KCTD8: variants seen among roughly 807,000 people sequenced by gnomAD.
The protein encoded by KCTD8 is BTB/POZ domain-containing protein KCTD8.
A neutral mutation model predicts 31.5 loss-of-function variants in KCTD8; 27 were observed. The observed-to-expected ratio is 0.86, with a 90% CI of 0.63 to 1.18. The LOEUF (loss-of-function observed/expected upper bound fraction) is 1.18. Ranked by LOEUF, KCTD8 falls within the 50% of genes most tolerant of loss-of-function variation. KCTD8 has a pLI of 0.00. For synonymous variants in KCTD8, 290 were observed against 280.0 expected, an observed-to-expected ratio of 1.04 and a Z score of -0.36; for missense variants, 658 against 647.7, an observed-to-expected ratio of 1.02 and a Z score of -0.17.
intron 1 of KCTD8, among the ~76,000 whole-genome samples, chr4:44,333,585 C>T (rs1470458623): frequency 1.3e-5 from 2 of 152,070 alleles, no homozygotes; most frequent in South Asian, 2.1e-4. Flanking sequence ...GTCTTGATTG[C>T]TACCAGTCAT....
At chr4:44,275,187 A>G (rs553387473) in intron 1 of KCTD8, among the ~76,000 whole-genome samples, 1 of 151,990 alleles carries the variant, frequency 6.6e-6, no homozygotes, top group Non-Finnish European at 1.5e-5. Flanking sequence ...ATGTAAGTGC[A>G]CATGTGACTA....
intron 1 of KCTD8, among the ~76,000 whole-genome samples, chr4:44,285,241 G>T (rs1577593557): frequency 6.6e-6 from 1 of 152,162 alleles, no homozygotes; most frequent in Non-Finnish European, 1.5e-5. Context: ...ATCAATGGTA[G>T]ACTGGACTAA....
chr4:44,179,177 T>C (rs956439259), intron 1 of KCTD8, among the ~76,000 whole-genome samples: 17 of 152,252 alleles, frequency 1.1e-4, no homozygotes, highest in African/African-American at 3.9e-4. Context: ...CTTTTTACTT[T>C]CAAATTTTCT....
chr4:44,419,917 C>T (rs563220507), intron 1 of KCTD8, among the ~76,000 whole-genome samples: 88 of 151,496 alleles, frequency 5.8e-4, no homozygotes, highest in African/African-American at 2.1e-3. Flanking sequence ...CTTTCTGAAC[C>T]GGACTCCATA....
At chr4:44,225,272 C>T (rs1269242279) in intron 1 of KCTD8, among the ~76,000 whole-genome samples, 7 of 152,238 alleles carry the variant, frequency 4.6e-5, no homozygotes, top group Non-Finnish European at 1.0e-4. Context: ...GGCTTCTAAA[C>T]ATGTGTCACT....
intron 1 of KCTD8, among the ~76,000 whole-genome samples, chr4:44,411,388 A>C (rs1196568216): frequency 1.3e-5 from 2 of 151,774 alleles, no homozygotes; most frequent in East Asian, 1.9e-4. Context: ...AAAAAAAAAA[A>C]AAAAAAAAAA....
At chr4:44,310,806 T>G (rs1223420878) in intron 1 of KCTD8, among the ~76,000 whole-genome samples, 1 of 152,154 alleles carries the variant, frequency 6.6e-6, no homozygotes, top group Admixed American at 6.5e-5. Flanking sequence ...GTCTATGGTA[T>G]AAGAAATCTG....
chr4:44,207,220 T>C (rs998439204), intron 1 of KCTD8, among the ~76,000 whole-genome samples: 3 of 152,218 alleles, frequency 2.0e-5, no homozygotes, highest in African/African-American at 7.2e-5. Context: ...TCAATAAATA[T>C]TGTAAAATAA....
intron 1 of KCTD8, among the ~76,000 whole-genome samples, chr4:44,329,131 G>A (rs1560427551): frequency 1.3e-5 from 2 of 151,434 alleles, no homozygotes; most frequent in Middle Eastern, 3.4e-3. Flanking sequence ...AAGAGTTAAC[G>A]GGTTTCAATA....
intron 1 of KCTD8, among the ~76,000 whole-genome samples, chr4:44,412,501 A>G (rs1720985526): frequency 6.6e-6 from 1 of 152,170 alleles, no homozygotes; most frequent in African/African-American, 2.4e-5. Context: ...ATATGGGAAA[A>G]ATGTTTGTAT....
chr4:44,382,034 C>T (rs1720078351), intron 1 of KCTD8, among the ~76,000 whole-genome samples: 1 of 151,906 alleles, frequency 6.6e-6, no homozygotes, highest in Admixed American at 6.6e-5. Context: ...TAATAAATTG[C>T]AAATATATAG....
intron 1 of KCTD8, among the ~76,000 whole-genome samples, chr4:44,239,405 G>C (rs372267765): frequency 2.0e-5 from 3 of 152,072 alleles, no homozygotes; most frequent in Admixed American, 2.0e-4. Flanking sequence ...ATGTTTCCAC[G>C]GTAGTAACAT....
Position 44,385,862 on chromosome 4 carries a change from T to C in KCTD8, c.961+61701A>G, listed in dbSNP as rs114560591. On this transcript the variant is annotated intron_variant, in intron 1 of 1. Coordinates refer to ENST00000360029, the MANE Select transcript of KCTD8 (RefSeq NM_198353.3). The stretch of plus-strand genomic sequence containing the variant: ...AGAACTCCTACAACTAAACAACTAT[T>C]AAAAAAACTTGATTAAACAATGTGC... Among the ~76,000 whole-genome samples the C allele has an allele frequency of 4.4e-3, 667 of 151,498 alleles. 10 individuals carry two copies. Among genetic ancestry groups the C allele is most frequent in the African/African-American group, 0.016 (648 of 41,406 alleles).
intron 1 of KCTD8, among the ~76,000 whole-genome samples, chr4:44,400,565 C>T (rs1022869790): frequency 1.3e-5 from 2 of 151,734 alleles, no homozygotes; most frequent in South Asian, 2.1e-4. Flanking sequence ...CCTGCCTCAA[C>T]TAAAAATACA....
chr4:44,343,252 G>C (rs1718950570), intron 1 of KCTD8, among the ~76,000 whole-genome samples: 1 of 152,132 alleles, frequency 6.6e-6, no homozygotes, highest in African/African-American at 2.4e-5. Flanking sequence ...TTAGTAATTG[G>C]CCTGATTACA....
chr4:44,328,782 A>G (rs1439678232), intron 1 of KCTD8, among the ~76,000 whole-genome samples: 1 of 151,906 alleles, frequency 6.6e-6, no homozygotes, highest in Non-Finnish European at 1.5e-5. Flanking sequence ...TAATTTTGGA[A>G]AATCCATTAA....
At chr4:44,217,808 TA>T (rs35576608) in intron 1 of KCTD8, among the ~76,000 whole-genome samples, 35,371 of 152,056 alleles carry the variant, frequency 0.23, 4,269 homozygotes, top group South Asian at 0.33. Context: ...CCTGGACTTA[TA>T]CCAGTGGTTT....
rs753718961 is a variant in KCTD8, at chr4:44,407,389, CT to C, written c.961+40173del. Among the ~76,000 whole-genome samples, 335 of 140,804 alleles carry C rather than the reference CT, an allele frequency of 2.4e-3. 1 individual carries two copies. The highest frequency in any genetic ancestry group is 3.8e-3 in the Middle Eastern group (1 of 266). The allele number at this position is 140,804 out of a possible 152,430, so 92.4% of individuals were successfully genotyped here. A position where few individuals can be genotyped will look rare whatever the true frequency, so the allele number is the denominator to read the frequency against. ...ATTAATTTTTCTTTTCTCTTTTTTT[CT>C]TTTTTTTTTTTTTGGAGATACAGTT... On this transcript the variant is annotated intron_variant, in intron 1 of 1. Coordinates refer to ENST00000360029, the MANE Select transcript of KCTD8 (RefSeq NM_198353.3).
At chr4:44,416,045 G>A (rs972085421) in intron 1 of KCTD8, among the ~76,000 whole-genome samples, 1 of 152,238 alleles carries the variant, frequency 6.6e-6, no homozygotes, top group Non-Finnish European at 1.5e-5. Flanking sequence ...AAAGCCACAG[G>A]GGATGGGATG....
Sources: allele counts gnomAD v4.1 joint callset (sites outside exome capture counted in the v4.1 genomes callset), GRCh38; gene constraint gnomAD v4.1.1; transcripts MANE v1.5; gene names NCBI Gene and HGNC (gene_info 2026-07-23, HGNC 2026-07-21).